The following SORBS2 variants were observed in gnomAD, a reference collection of about 807,000 sequenced individuals.
SORBS2 encodes sorbin and SH3 domain containing 2.
In SORBS2, 46 loss-of-function variants were observed where a neutral mutation model predicts 97.7. The observed-to-expected ratio is 0.47, with a 90% CI of 0.37 to 0.60. The LOEUF (loss-of-function observed/expected upper bound fraction) is 0.60. Ranked by LOEUF, SORBS2 falls within the 20% of genes least tolerant of loss-of-function variation. The pLI, the probability that SORBS2 is intolerant of heterozygous loss-of-function variation, is 0.00. For missense variants in SORBS2, 1,316 were observed against 1,282.3 expected (o/e 1.03, Z -0.40); for synonymous variants, 476 against 473.4 (o/e 1.01, Z -0.07).
intron 1 of SORBS2, among the ~76,000 whole-genome samples, chr4:185,937,278 T>C (rs1225890661): frequency 6.6e-6 from 1 of 152,234 alleles, no homozygotes; most frequent in Non-Finnish European, 1.5e-5. Flanking sequence ...TATCAAGTTC[T>C]GCATTGTACT....
At chr4:185,630,508 C>G (rs1431898422) in intron 5 of SORBS2, 41 bp downstream of exon 17, 9 of 1,277,588 alleles carry the variant, frequency 7.0e-6, no homozygotes. Flanking sequence ...AAAGAAACCA[C>G]TGGTATAGAA....
chr4:185,753,035 G>A (rs555331742), intron 2 of SORBS2, among the ~76,000 whole-genome samples: 1 of 152,326 alleles, frequency 6.6e-6, no homozygotes, highest in South Asian at 2.1e-4. Context: ...TCCACAAGGA[G>A]GAAACTGATC....
chr4:185,688,300 C>T lies in SORBS2; in HGVS notation c.-197-9478G>A, dbSNP rs913531444. 3.9e-4 allele frequency among the ~76,000 whole-genome samples: 60 copies of T among 151,940 alleles called. 2 individuals carry two copies. Among genetic ancestry groups the T allele is most frequent in the Non-Finnish European group, 1.5e-5 (1 of 67,978 alleles). Reference sequence around the variant, plus strand: ...TGCTTTTTAGCCGTGGTGACCAACACATGAAGATTTAAATAGGAATATATA... The same window carrying T: ...TGCTTTTTAGCCGTGGTGACCAACATATGAAGATTTAAATAGGAATATATA... On this transcript the variant is annotated intron_variant, in intron 2 of 20. Coordinates refer to the SORBS2 transcript ENST00000284776.
intron 12 of SORBS2, among the ~76,000 whole-genome samples, chr4:185,603,565 T>C (rs2096326480): frequency 6.6e-6 from 1 of 152,214 alleles, no homozygotes; most frequent in Non-Finnish European, 1.5e-5. Flanking sequence ...ATTAGAGCCC[T>C]AAATTTTTAC....
chr4:185,822,236 G>T (rs1466798521), intron 1 of SORBS2, among the ~76,000 whole-genome samples: 2 of 152,192 alleles, frequency 1.3e-5, no homozygotes, highest in African/African-American at 2.4e-5. Flanking sequence ...CCTTTATCTA[G>T]TGTTTCCCCA....
intron 1 of SORBS2, among the ~76,000 whole-genome samples, chr4:185,880,800 A>T (rs1328493242): frequency 6.6e-6 from 1 of 152,192 alleles, no homozygotes; most frequent in African/African-American, 2.4e-5. Context: ...AAGCAAATAG[A>T]CTGTGGTCAG....
Position 185,914,576 on chromosome 4 carries a change from T to C in SORBS2, c.-338+41620A>G, listed in dbSNP as rs76821092. On this transcript the variant is annotated intron_variant, in intron 1 of 20. Coordinates refer to the SORBS2 transcript ENST00000284776. ...TGGGATTTGGGGCTGAAAGGTACTA[T>C]TATGTTATTACCGTGAACGCACGTT... Among the ~76,000 whole-genome samples, 566 of 152,366 alleles carry C rather than the reference T, an allele frequency of 3.7e-3. 9 individuals carry two copies. The highest frequency in any genetic ancestry group is 0.028 in the East Asian group (145 of 5,186).
chr4:185,850,351 C>T (rs562368785), intron 1 of SORBS2, among the ~76,000 whole-genome samples: 18 of 152,290 alleles, frequency 1.2e-4, no homozygotes, highest in African/African-American at 4.3e-4. Context: ...ATTCTGCTGA[C>T]TTGTCCCATA....
intron 2 of SORBS2, among the ~76,000 whole-genome samples, chr4:185,762,970 C>T (rs2098909615): frequency 2.0e-5 from 3 of 152,132 alleles, no homozygotes; most frequent in African/African-American, 4.8e-5. Context: ...GGGTGGATCA[C>T]CTGAGGTCAG....
chr4:185,588,001 T>G, intron 14 of SORBS2: 1 of 263,308 alleles, frequency 3.8e-6, no homozygotes, highest in East Asian at 9.3e-5. Context: ...GCTCAGTCAC[T>G]GAGGCTGCCA....
intron 1 of SORBS2, among the ~76,000 whole-genome samples, chr4:185,655,320 C>T (rs1333518867): frequency 2.0e-5 from 3 of 152,218 alleles, no homozygotes; most frequent in Non-Finnish European, 4.4e-5. Context: ...GACAGTACCG[C>T]CTTTGGCAAA....
At chr4:185,626,310 T>C (rs994842290) in intron 6 of SORBS2, among the ~76,000 whole-genome samples, 1 of 152,246 alleles carries the variant, frequency 6.6e-6, no homozygotes, top group Non-Finnish European at 1.5e-5. Context: ...CCACTGTTCA[T>C]GTGAAGGTGG....
intron 1 of SORBS2, among the ~76,000 whole-genome samples, chr4:185,878,939 C>T (rs2099235175): frequency 6.6e-6 from 1 of 152,184 alleles, no homozygotes. Flanking sequence ...CCAGAGCTTC[C>T]CATCAACGCA....
chr4:185,858,134 G>A (rs777961089), intron 1 of SORBS2, among the ~76,000 whole-genome samples: 1 of 152,314 alleles, frequency 6.6e-6, no homozygotes, highest in South Asian at 2.1e-4. Context: ...AGGCCCAGCT[G>A]TAAAATTTCT....
intron 7 of SORBS2, among the ~76,000 whole-genome samples, chr4:185,621,177 A>ATTTAAAGTG (rs1485096803): frequency 6.6e-6 from 1 of 152,244 alleles, no homozygotes; most frequent in Non-Finnish European, 1.5e-5. Flanking sequence ...CTATGAAAGA[A>ATTTAAAGTG]TTTAAAGTGC....
chr4:185,614,638 TA>T, intron 11 of SORBS2, 192 bp downstream of exon 23: 1 of 641,702 alleles, frequency 1.6e-6, no homozygotes, highest in Non-Finnish European at 2.6e-6. Flanking sequence ...GGAACTCCTC[TA>T]AAAGGACACA....
At chr4:185,804,295 G>T (rs11132350) in intron 1 of SORBS2, among the ~76,000 whole-genome samples, 86,877 of 151,986 alleles carry the variant, frequency 0.57, 24,930 homozygotes, top group East Asian at 0.67. Flanking sequence ...TACAATAACC[G>T]ACTTGGCCTA....
At chr4:185,940,765 G>A (rs1012934351) in intron 1 of SORBS2, among the ~76,000 whole-genome samples, 11 of 152,082 alleles carry the variant, frequency 7.2e-5, no homozygotes, top group Admixed American at 2.6e-4. Context: ...TTTTCTCATC[G>A]CTGCAAAATG....
intron 2 of SORBS2, among the ~76,000 whole-genome samples, chr4:185,707,750 A>T (rs541402129): frequency 6.6e-6 from 1 of 152,270 alleles, no homozygotes; most frequent in South Asian, 2.1e-4. Flanking sequence ...GGCATCTTAC[A>T]TGACAGCAGG....
Sources: allele counts gnomAD v4.1 joint callset (sites outside exome capture counted in the v4.1 genomes callset), GRCh38; gene constraint gnomAD v4.1.1; transcripts MANE v1.5; gene names NCBI Gene and HGNC (gene_info 2026-07-23, HGNC 2026-07-21).